The following BRAF variants were observed in gnomAD, a reference collection of about 807,000 sequenced individuals.
The protein encoded by BRAF is serine/threonine-protein kinase B-raf.
BRAF carries 16 observed loss-of-function variants against 104.6 expected under a neutral mutation model. The ratio of observed to expected loss-of-function variants is 0.15; its 90% confidence interval spans 0.10 to 0.23. The LOEUF (loss-of-function observed/expected upper bound fraction) is 0.23. Among genes scored for constraint, BRAF ranks in the 10% least tolerant of loss-of-function variants. The pLI is 1.00. For missense variants in BRAF, 541 were observed against 937.3 expected (o/e 0.58, Z 5.52); for synonymous variants, 310 against 341.6 (o/e 0.91, Z 1.02).
intron 1 of BRAF, among the ~76,000 whole-genome samples, chr7:140,866,559 C>A (rs1810984916): frequency 6.6e-6 from 1 of 152,146 alleles, no homozygotes; most frequent in Non-Finnish European, 1.5e-5. Flanking sequence ...ATTAAAAATT[C>A]TATATTCTGG....
rs562768352 is a variant in BRAF, at chr7:140,798,502, C to T, written c.980+1860G>A. 2.3e-4 allele frequency among the ~76,000 whole-genome samples: 35 copies of T among 150,736 alleles called. No homozygotes were observed. In the South Asian group the frequency reaches 2.5e-3, roughly 11 times the overall value. On this transcript the variant is annotated intron_variant, in intron 7 of 19. Transcript: ENST00000644969. ...GTCATGATCTCCCGACCTCGTGATC[C>T]GCCTGCCTCGGCCTCCCAAAGTGCT... is the stretch of plus-strand genomic sequence containing the variant.
chr7:140,807,852 T>A, intron 5 of BRAF, 108 bp downstream of exon 5: 1 of 797,706 alleles, frequency 1.3e-6, no homozygotes, highest in Non-Finnish European at 2.0e-6. Context: ...TCAGGTAAAA[T>A]GTCAGTTCCA....
At chr7:140,769,208 T>C (rs1232615949) in intron 14 of BRAF, among the ~76,000 whole-genome samples, 4 of 151,878 alleles carry the variant, frequency 2.6e-5, no homozygotes, top group South Asian at 2.1e-4. Flanking sequence ...TCCCAAGTAA[T>C]TGGGATTACA....
At chr7:140,919,193 T>A (rs1023155602) in intron 1 of BRAF, among the ~76,000 whole-genome samples, 3 of 152,114 alleles carry the variant, frequency 2.0e-5, no homozygotes, top group Non-Finnish European at 4.4e-5. Flanking sequence ...TAGAATGTTT[T>A]CGAAAAATTC....
At chr7:140,743,102 G>A (rs896522391) in intron 17 of BRAF, among the ~76,000 whole-genome samples, 5 of 152,036 alleles carry the variant, frequency 3.3e-5, no homozygotes, top group African/African-American at 1.2e-4. Flanking sequence ...TGGAGAAATA[G>A]GAACACTTTT....
chr7:140,835,123 G>T, intron 2 of BRAF: 1 of 476,426 alleles, frequency 2.1e-6, no homozygotes, highest in Non-Finnish European at 3.8e-6. Context: ...ATATCTAGAT[G>T]GTCCATGAAT....
At chr7:140,872,290 T>TA (rs1811694373) in intron 1 of BRAF, among the ~76,000 whole-genome samples, 1 of 151,462 alleles carries the variant, frequency 6.6e-6, no homozygotes, top group East Asian at 1.9e-4. Flanking sequence ...GAAATAAACC[T>TA]AAAAAAGGAG....
chr7:140,874,791 A>G (rs1563009601), intron 1 of BRAF, among the ~76,000 whole-genome samples: 3 of 152,296 alleles, frequency 2.0e-5, no homozygotes, highest in South Asian at 2.1e-4. Flanking sequence ...GTAATCCCCA[A>G]TGTTGGAGGT....
At chr7:140,921,666 A>C (rs1036276346) in intron 1 of BRAF, among the ~76,000 whole-genome samples, 26 of 152,094 alleles carry the variant, frequency 1.7e-4, no homozygotes, top group African/African-American at 6.3e-4. Flanking sequence ...TATAGTAATA[A>C]TATCTTAGTG....
At chr7:140,805,800 G>A (rs1168179998) in intron 5 of BRAF, among the ~76,000 whole-genome samples, 1 of 152,128 alleles carries the variant, frequency 6.6e-6, no homozygotes, top group Non-Finnish European at 1.5e-5. Flanking sequence ...GAAACCATGA[G>A]GCATAAGCAG....
chr7:140,911,749 A>G (rs893426018), intron 1 of BRAF, among the ~76,000 whole-genome samples: 6 of 152,216 alleles, frequency 3.9e-5, no homozygotes, highest in African/African-American at 1.2e-4. Flanking sequence ...AGAAAAGATG[A>G]AGAAAATTTT....
chr7:140,754,323 AT>A, intron 14 of BRAF, 90 bp from the exon 14 acceptor site: 2 of 1,087,018 alleles, frequency 1.8e-6, no homozygotes, highest in Non-Finnish European at 1.4e-6. Flanking sequence ...GTAAAGACTT[AT>A]TTAGAATCAT....
intron 1 of BRAF, among the ~76,000 whole-genome samples, chr7:140,883,311 C>A (rs1007062439): frequency 6.6e-6 from 1 of 152,188 alleles, no homozygotes; most frequent in Non-Finnish European, 1.5e-5. Flanking sequence ...GTTCTCCCCA[C>A]AGGGCAATTT....
intron 3 of BRAF, among the ~76,000 whole-genome samples, chr7:140,817,079 AC>A (rs1203117289): frequency 1.3e-5 from 2 of 152,186 alleles, no homozygotes; most frequent in African/African-American, 2.4e-5. Flanking sequence ...CACCAAAAAA[AC>A]AATTATAACT....
At chr7:140,760,403 ACT>A (rs1327500325) in intron 14 of BRAF, among the ~76,000 whole-genome samples, 6 of 144,742 alleles carry the variant, frequency 4.1e-5, no homozygotes, top group Non-Finnish European at 7.5e-5. Context: ...ACAGAGTGAG[ACT>A]CTTCCTTGAG....
intron 8 of BRAF, among the ~76,000 whole-genome samples, chr7:140,791,857 A>G (rs1208609609): frequency 6.6e-6 from 1 of 152,212 alleles, no homozygotes; most frequent in Non-Finnish European, 1.5e-5. Flanking sequence ...CCTCTACTAC[A>G]AAACAGTATA....
Position 140,723,375 on chromosome 7 carries a change from T to C in BRAF, c.*3119A>G. ...TTCTTCTCCAACACCAACATAAATA[T>C]AGCATATATCATTTGTATGGGATTT... is the stretch of plus-strand genomic sequence containing the variant. On this transcript the variant is annotated 3_prime_UTR_variant, in exon 20 of 20. Coordinates refer to ENST00000644969, the MANE Select transcript of BRAF (RefSeq NM_001374258.1). 1.6e-5 allele frequency: 17 copies of C among 1,054,382 alleles called. No homozygotes were observed. Among genetic ancestry groups the C allele is most frequent in the Non-Finnish European group, 1.8e-5 (16 of 872,554 alleles). 65.3% of individuals were successfully genotyped at this position (1,054,382 alleles called of 1,614,324 possible). A position where few individuals can be genotyped will look rare whatever the true frequency, so the allele number is the denominator to read the frequency against.
At chr7:140,774,480 C>T (rs1226342199) in intron 14 of BRAF, among the ~76,000 whole-genome samples, 2 of 152,196 alleles carry the variant, frequency 1.3e-5, no homozygotes, top group Admixed American at 6.5e-5. Flanking sequence ...CCCACCTCGG[C>T]CTCCTAAAGT....
At chr7:140,874,129 T>A (rs151324470) in intron 1 of BRAF, among the ~76,000 whole-genome samples, 1 of 151,172 alleles carries the variant, frequency 6.6e-6, no homozygotes, top group Non-Finnish European at 1.5e-5. Flanking sequence ...TGGAAGTAAA[T>A]AGCAGTAGAC....
Sources: gnomAD v4.1 joint callset for allele counts (sites outside exome capture counted in the v4.1 genomes callset) on GRCh38, gnomAD v4.1.1 for gene constraint, MANE v1.5 for transcripts, NCBI Gene and HGNC (gene_info 2026-07-23, HGNC 2026-07-21) for gene names.